Variants in NTM observed in about 807,000 individuals in gnomAD.
NTM encodes the protein neurotrimin.
A neutral mutation model predicts 42.1 loss-of-function variants in NTM; 13 were observed. The ratio of observed to expected loss-of-function variants is 0.31; its 90% CI spans 0.20 to 0.49. The LOEUF (loss-of-function observed/expected upper bound fraction) is 0.49. Ranked by LOEUF, NTM falls within the 20% of genes least tolerant of loss-of-function variation. NTM has a pLI of 0.99. For missense variants in NTM, 373 were observed against 452.8 expected (o/e 0.82, Z 1.60); for synonymous variants, 187 against 179.2 (o/e 1.04, Z -0.35).
At chr11:131,516,052 A>G (rs531657658) in intron 1 of NTM, among the ~76,000 whole-genome samples, 1 of 152,330 alleles carries the variant, frequency 6.6e-6, no homozygotes, top group Non-Finnish European at 1.5e-5. Flanking sequence ...TCCCCTTAAT[A>G]ATGATGTGTA....
At chr11:132,185,429 T>G (rs1238691347) in intron 3 of NTM, among the ~76,000 whole-genome samples, 1 of 152,222 alleles carries the variant, frequency 6.6e-6, no homozygotes. Context: ...GCATTTATAA[T>G]GCACACAAAG....
chr11:131,977,362 C>T (rs1294322574), intron 2 of NTM, among the ~76,000 whole-genome samples: 6 of 152,312 alleles, frequency 3.9e-5, no homozygotes, highest in Admixed American at 2.6e-4. Flanking sequence ...AAACAATGAG[C>T]TGGTGTATGT....
intron 1 of NTM, 74 bp from the exon 2 acceptor site, chr11:131,911,490 C>T (rs1188937094): frequency 6.2e-7 from 1 of 1,614,104 alleles, no homozygotes; most frequent in Non-Finnish European, 8.5e-7. Context: ...GAATGGGGGT[C>T]TGTGGGTACC....
At chr11:131,794,775 G>C (rs1272672570) in intron 1 of NTM, 1 of 985,262 alleles carries the variant, frequency 1.0e-6, no homozygotes, top group East Asian at 1.1e-4. Context: ...CACACCATGT[G>C]AAAAGCATTC....
intron 2 of NTM, among the ~76,000 whole-genome samples, chr11:132,014,818 A>G (rs897679573): frequency 6.7e-5 from 10 of 148,468 alleles, no homozygotes; most frequent in Non-Finnish European, 4.4e-5. Flanking sequence ...ATAGTTTGCA[A>G]ATACTTTCTC....
chr11:131,598,739 CT>C (rs528766625), intron 1 of NTM, among the ~76,000 whole-genome samples: 2,074 of 84,938 alleles, frequency 0.024, 81 homozygotes, highest in Middle Eastern at 0.035. Flanking sequence ...TTCTTTCTTT[CT>C]TTCTTTCTTT....
At chr11:132,064,315 A>G (rs1046965077) in intron 2 of NTM, among the ~76,000 whole-genome samples, 3 of 152,194 alleles carry the variant, frequency 2.0e-5, no homozygotes, top group Non-Finnish European at 4.4e-5. Flanking sequence ...CTATCTACCT[A>G]TCTATCTATC....
intron 8 of NTM, 137 bp from the exon 9 acceptor site, chr11:132,334,909 G>C (rs2095859058): frequency 7.1e-7 from 1 of 1,412,690 alleles, no homozygotes; most frequent in Non-Finnish European, 9.5e-7. Flanking sequence ...TTCTAATGCT[G>C]GGGCTGGAAC....
chr11:131,806,658 G>A (rs980632382), intron 1 of NTM, among the ~76,000 whole-genome samples: 2 of 152,182 alleles, frequency 1.3e-5, no homozygotes, highest in African/African-American at 2.4e-5. Context: ...TAGTGGCAGA[G>A]CGAGGAGTGG....
intron 1 of NTM, among the ~76,000 whole-genome samples, chr11:131,553,311 A>G (rs1020066554): frequency 1.3e-5 from 2 of 152,150 alleles, no homozygotes; most frequent in African/African-American, 4.8e-5. Flanking sequence ...TGTATATTCT[A>G]CCGGTTTTTA....
chr11:131,668,751 A>G (rs1367046610), intron 1 of NTM, among the ~76,000 whole-genome samples: 1 of 152,198 alleles, frequency 6.6e-6, no homozygotes, highest in Non-Finnish European at 1.5e-5. Context: ...CAGTGTAATG[A>G]ATTAGTGGCC....
chr11:132,020,822 T>A (rs2074224902), intron 2 of NTM, among the ~76,000 whole-genome samples: 1 of 152,112 alleles, frequency 6.6e-6, no homozygotes, highest in Admixed American at 6.5e-5. Flanking sequence ...CTTATATGGT[T>A]GTTTTATTTT....
At chr11:131,857,471 C>G (rs1592310657) in intron 1 of NTM, among the ~76,000 whole-genome samples, 2 of 152,144 alleles carry the variant, frequency 1.3e-5, no homozygotes, top group South Asian at 4.1e-4. Context: ...CATCATTTCT[C>G]CTCTCCCTCC....
intron 4 of NTM, among the ~76,000 whole-genome samples, chr11:132,278,300 G>A (rs1565369143): frequency 1.3e-5 from 2 of 152,326 alleles, no homozygotes; most frequent in South Asian, 2.1e-4. Context: ...GACACAGAGG[G>A]ATCAACCTAT....
At chr11:131,902,145 A>G (rs1345177953) in intron 1 of NTM, among the ~76,000 whole-genome samples, 1 of 152,202 alleles carries the variant, frequency 6.6e-6, no homozygotes, top group Non-Finnish European at 1.5e-5. Context: ...GCATTTTATT[A>G]TTTCTTTGTA....
At chr11:131,973,249 A>T (rs2063816476) in intron 2 of NTM, among the ~76,000 whole-genome samples, 1 of 152,242 alleles carries the variant, frequency 6.6e-6, no homozygotes, top group African/African-American at 2.4e-5. Flanking sequence ...CAGTTCTTCC[A>T]ATAGGATACA....
intron 2 of NTM, among the ~76,000 whole-genome samples, chr11:132,093,380 G>A (rs574829468): frequency 1.3e-5 from 2 of 152,270 alleles, no homozygotes; most frequent in South Asian, 4.1e-4. Flanking sequence ...CACAAGATTT[G>A]GAACCAGAGA....
chr11:131,870,520 G>A (rs1344318600), intron 1 of NTM, among the ~76,000 whole-genome samples: 5 of 152,118 alleles, frequency 3.3e-5, no homozygotes, highest in African/African-American at 1.2e-4. Context: ...CTAGCCTAAG[G>A]TTGGATTCCA....
At chr11:132,211,615 G>A in intron 3 of NTM, 1 of 162,600 alleles carries the variant, frequency 6.2e-6, no homozygotes, top group Non-Finnish European at 1.3e-5. Flanking sequence ...AGGTGGCCAT[G>A]GGGAGCCACT....
Sources: allele counts gnomAD v4.1 joint callset (sites outside exome capture counted in the v4.1 genomes callset), GRCh38; gene constraint gnomAD v4.1.1; transcripts MANE v1.5; gene names NCBI Gene and HGNC (gene_info 2026-07-23, HGNC 2026-07-21).